The following SUMF1 variants were observed in gnomAD, a reference collection of about 807,000 sequenced individuals.
SUMF1 encodes the protein formylglycine-generating enzyme.
Under a neutral mutation model 47.6 loss-of-function variants are expected in SUMF1, and 48 were observed. That is an observed-to-expected ratio of 1.01 (90% CI 0.80 to 1.28). SUMF1 has a LOEUF of 1.28. Ranked by LOEUF, SUMF1 falls within the 50% of genes most tolerant of loss-of-function variation. The pLI is 0.00. For missense variants in SUMF1, 571 were observed against 485.4 expected (o/e 1.18, Z -1.66); for synonymous variants, 230 against 192.1 (o/e 1.20, Z -1.63).
At chr3:4,053,253 A>G (rs1018218535) in intron 9 of SUMF1, among the ~76,000 whole-genome samples, 1 of 152,126 alleles carries the variant, frequency 6.6e-6, no homozygotes, top group African/African-American at 2.4e-5. Context: ...AACACACACA[A>G]GATTTATCGA....
At chr3:4,384,581 T>C (rs1410102009) in intron 7 of SUMF1, among the ~76,000 whole-genome samples, 1 of 152,234 alleles carries the variant, frequency 6.6e-6, no homozygotes, top group Non-Finnish European at 1.5e-5. Context: ...AATCATACAG[T>C]ATGTAAACTT....
At chr3:4,129,223 T>C (rs534425812) in intron 8 of SUMF1, among the ~76,000 whole-genome samples, 1 of 152,004 alleles carries the variant, frequency 6.6e-6, no homozygotes, top group Non-Finnish European at 1.5e-5. Context: ...TTAAATACAA[T>C]GGGAAGAATT....
intron 8 of SUMF1, among the ~76,000 whole-genome samples, chr3:4,118,086 T>C (rs1693460688): frequency 6.6e-6 from 1 of 151,990 alleles, no homozygotes; most frequent in African/African-American, 2.4e-5. Flanking sequence ...TGGCAGATAA[T>C]AGGGTAGGGT....
At chr3:4,455,552 C>T (rs1038569120) in intron 1 of SUMF1, among the ~76,000 whole-genome samples, 1 of 152,122 alleles carries the variant, frequency 6.6e-6, no homozygotes, top group African/African-American at 2.4e-5. Context: ...CCCGTCTCTA[C>T]TAAAAATACA....
At chr3:4,112,718 A>C (rs1363344288) in intron 8 of SUMF1, among the ~76,000 whole-genome samples, 25 of 152,130 alleles carry the variant, frequency 1.6e-4, no homozygotes, top group Admixed American at 1.6e-3. Flanking sequence ...TATAATCAGC[A>C]TAAGTGGAAA....
intron 7 of SUMF1, among the ~76,000 whole-genome samples, chr3:4,391,017 T>C (rs1440156084): frequency 1.3e-5 from 2 of 152,220 alleles, no homozygotes; most frequent in African/African-American, 4.8e-5. Context: ...TTTTGAAGGA[T>C]TGTTCTCCTG....
At chr3:4,312,073 TATTTA>T (rs1698427594) in intron 8 of SUMF1, among the ~76,000 whole-genome samples, 1 of 152,214 alleles carries the variant, frequency 6.6e-6, no homozygotes, top group Non-Finnish European at 1.5e-5. Flanking sequence ...ATTCCTTTCT[TATTTA>T]ATTAGAATTT....
chr3:4,264,419 T>G (rs758016225), intron 8 of SUMF1, among the ~76,000 whole-genome samples: 11 of 152,192 alleles, frequency 7.2e-5, no homozygotes, highest in Non-Finnish European at 1.6e-4. Flanking sequence ...CCGTCAAGTA[T>G]CACCACACTG....
chr3:4,464,292 C>A (rs1362707140), intron 1 of SUMF1, among the ~76,000 whole-genome samples: 1 of 151,504 alleles, frequency 6.6e-6, no homozygotes, highest in Non-Finnish European at 1.5e-5. Flanking sequence ...TTTTTTGAGG[C>A]ACTACTCGAC....
intron 8 of SUMF1, among the ~76,000 whole-genome samples, chr3:4,174,097 C>T (rs189098101): frequency 3.0e-4 from 46 of 152,208 alleles, no homozygotes; most frequent in African/African-American, 9.9e-4. Flanking sequence ...TGGCTCACGC[C>T]TGTAATCCCA....
intron 8 of SUMF1, among the ~76,000 whole-genome samples, chr3:4,243,413 C>A (rs1005451431): frequency 3.3e-5 from 5 of 152,034 alleles, no homozygotes; most frequent in African/African-American, 1.2e-4. Flanking sequence ...CTATAAATTT[C>A]CCTCTATACA....
intron 3 of SUMF1, among the ~76,000 whole-genome samples, chr3:4,441,159 C>T (rs1420796180): frequency 6.6e-6 from 1 of 152,168 alleles, no homozygotes; most frequent in Admixed American, 6.5e-5. Context: ...TGCGTTACCA[C>T]CTGAGCTCTG....
chr3:4,113,256 T>C (rs142103181), intron 8 of SUMF1, among the ~76,000 whole-genome samples: 4 of 152,248 alleles, frequency 2.6e-5, no homozygotes, highest in East Asian at 3.9e-4. Context: ...AACCTGGGCA[T>C]AGTAGCTCAT....
At chr3:4,072,719 G>C (rs912882849) in intron 8 of SUMF1, among the ~76,000 whole-genome samples, 1 of 152,064 alleles carries the variant, frequency 6.6e-6, no homozygotes, top group Non-Finnish European at 1.5e-5. Flanking sequence ...CGATCAAGCA[G>C]AACAAAGGAT....
chr3:4,060,141 C>A (rs932893802), intron 9 of SUMF1, among the ~76,000 whole-genome samples: 1 of 152,176 alleles, frequency 6.6e-6, no homozygotes, highest in Non-Finnish European at 1.5e-5. Context: ...TTTGAAAAAT[C>A]GCTCTAGCTG....
At chr3:4,377,090 C>A (rs1700352148) in intron 7 of SUMF1, among the ~76,000 whole-genome samples, 1 of 152,168 alleles carries the variant, frequency 6.6e-6, no homozygotes, top group Non-Finnish European at 1.5e-5. Flanking sequence ...CATGCAACAC[C>A]ATGCCAAGCC....
At chr3:4,169,516 A>C (rs991721517) in intron 8 of SUMF1, among the ~76,000 whole-genome samples, 6 of 152,170 alleles carry the variant, frequency 3.9e-5, no homozygotes, top group African/African-American at 1.2e-4. Context: ...AGAGGAAAAA[A>C]GGATCCACTA....
At chr3:4,115,103 C>T (rs1020896482) in intron 8 of SUMF1, among the ~76,000 whole-genome samples, 2 of 152,002 alleles carry the variant, frequency 1.3e-5, no homozygotes, top group Non-Finnish European at 2.9e-5. Flanking sequence ...CCCTCGCGGG[C>T]ACAAATGCAG....
intron 3 of SUMF1, among the ~76,000 whole-genome samples, chr3:4,423,599 T>C (rs535880007): frequency 1.3e-5 from 2 of 152,368 alleles, no homozygotes; most frequent in East Asian, 3.9e-4. Flanking sequence ...CCTCAGAGTA[T>C]GACTGAAGAC....
Sources: allele counts gnomAD v4.1 joint callset (sites outside exome capture counted in the v4.1 genomes callset), GRCh38; gene constraint gnomAD v4.1.1; transcripts MANE v1.5; gene names NCBI Gene and HGNC (gene_info 2026-07-23, HGNC 2026-07-21).